Variants in KIF13B observed in about 807,000 individuals in gnomAD.
KIF13B encodes the protein kinesin-like protein KIF13B.
Under a neutral mutation model 222.0 loss-of-function variants are expected in KIF13B, and 127 were observed. The observed-to-expected ratio is 0.57, with a 90% confidence interval of 0.50 to 0.66. KIF13B has a LOEUF of 0.66. KIF13B is among the 30% of genes least tolerant of loss of function. The pLI is 0.00. For missense variants in KIF13B, 2,173 were observed against 2,379.0 expected, an observed-to-expected ratio of 0.91 and a Z score of 1.80; for synonymous variants, 976 against 919.0, an observed-to-expected ratio of 1.06 and a Z score of -1.12.
At position 29,127,351 on chromosome 8, in the gene KIF13B, G is replaced by A. The variant is rs1810159328; in HGVS notation, c.3076-83C>T. On this transcript the variant is annotated intron_variant, in intron 24 of 39. Coordinates refer to ENST00000524189, the MANE Select transcript of KIF13B (RefSeq NM_015254.4). ...TTTAGAGAGACCCCTACAGGCTGAT[G>A]TTGAGAAAAATGTTTAATTCAGACA... The A allele has an allele frequency of 4.1e-6, 5 of 1,206,274 alleles. No homozygotes were observed. In the South Asian group the frequency reaches 6.4e-5, roughly 16 times the overall value. 74.7% of individuals were successfully genotyped at this position (1,206,274 alleles called of 1,614,324 possible).
chr8:29,107,794 T>C (rs1809159531), intron 35 of KIF13B, among the ~76,000 whole-genome samples: 2 of 152,074 alleles, frequency 1.3e-5, no homozygotes. Context: ...TCTCCTGACC[T>C]CGTGATCCGC....
chr8:29,243,663 A>AAG (rs1815884650), intron 2 of KIF13B, among the ~76,000 whole-genome samples: 1 of 152,074 alleles, frequency 6.6e-6, no homozygotes, highest in African/African-American at 2.4e-5. Flanking sequence ...CTCAAAAAAA[A>AAG]AAAAGAAAGA....
intron 2 of KIF13B, among the ~76,000 whole-genome samples, chr8:29,198,827 C>T (rs1490326405): frequency 6.6e-6 from 1 of 152,064 alleles, no homozygotes; most frequent in Non-Finnish European, 1.5e-5. Context: ...AATGAAAAAC[C>T]AAATATTGCA....
chr8:29,219,844 C>T (rs1814662859), intron 2 of KIF13B, among the ~76,000 whole-genome samples: 1 of 152,166 alleles, frequency 6.6e-6, no homozygotes, highest in African/African-American at 2.4e-5. Flanking sequence ...AGGCAGATCG[C>T]TTGAACCCAG....
chr8:29,157,134 T>C (rs1811569805), intron 13 of KIF13B, among the ~76,000 whole-genome samples: 1 of 151,960 alleles, frequency 6.6e-6, no homozygotes, highest in Non-Finnish European at 1.5e-5. Context: ...CCCACCTCCA[T>C]GACTACATCC....
At chr8:29,175,995 A>G in intron 10 of KIF13B, 73 bp downstream of exon 10, 1 of 810,244 alleles carries the variant, frequency 1.2e-6, no homozygotes, top group Non-Finnish European at 2.1e-6. Flanking sequence ...GAAGGGATTA[A>G]CAGTCTACTC....
chr8:29,172,917 G>GC (rs1161418920), intron 10 of KIF13B, among the ~76,000 whole-genome samples: 14 of 148,320 alleles, frequency 9.4e-5, no homozygotes, highest in Admixed American at 2.0e-4. Context: ...GTTTTTTGGT[G>GC]CTTTTTTTTT....
chr8:29,150,972 T>C (rs1407475512), intron 14 of KIF13B, among the ~76,000 whole-genome samples: 1 of 151,706 alleles, frequency 6.6e-6, no homozygotes, highest in Non-Finnish European at 1.5e-5. Flanking sequence ...CAGTGAGGAA[T>C]CACATCGAAA....
chr8:29,181,973 A>G lies in KIF13B; in HGVS notation c.531T>C (p.Ser177=). 6.2e-7 allele frequency: 1 copy of G among 1,613,506 alleles called. No homozygotes were observed. ...SRQTLKVREH[S]VLGPYVDGLS... ...GTCCGTCGACATAAGGTCCCAACAC[A>G]CTATGCTCTCTGACTTTCAACGTCT... Residue 177 remains serine, a synonymous_variant, in exon 7 of 40, where the codon AGT becomes AGC. Transcript: ENST00000524189.
intron 37 of KIF13B, 29 bp downstream of exon 37, chr8:29,092,716 T>G: frequency 6.3e-7 from 1 of 1,592,834 alleles, no homozygotes; most frequent in Non-Finnish European, 8.5e-7. Flanking sequence ...TAGAAAAACG[T>G]TCACAGCTGT....
chr8:29,129,448 G>A lies in KIF13B; in HGVS notation c.3075+1085C>T, dbSNP rs537793107. Among the ~76,000 whole-genome samples the A allele has an allele frequency of 1.3e-5, 2 of 152,312 alleles. 1 individual carries two copies. Among genetic ancestry groups the A allele is most frequent in the South Asian group, 4.1e-4 (2 of 4,828 alleles). On this transcript the variant is annotated intron_variant, in intron 24 of 39. Coordinates refer to ENST00000524189, the MANE Select transcript of KIF13B (RefSeq NM_015254.4). ...TATTTGCTGGGGTCAGAGAACAAGT[G>A]TTTATCATCATCCTCCTCTTAAAAC... is the stretch of plus-strand genomic sequence containing the variant.
intron 16 of KIF13B, 85 bp downstream of exon 16, chr8:29,148,492 C>T (rs1811158571): frequency 1.0e-6 from 1 of 987,812 alleles, no homozygotes; most frequent in South Asian, 2.1e-5. Flanking sequence ...TCACTGCAGC[C>T]TGGAACTCCT....
rs1375608845 is a variant in KIF13B at position 29,139,918 on chromosome 8, ATACT to A, written c.2613+141_2613+144del. The A allele has an allele frequency of 1.1e-5, 8 of 730,026 alleles. 1 individual carries two copies. The highest frequency in any genetic ancestry group is 3.8e-5 in the South Asian group (2 of 52,776). The allele number at this position is 730,026 out of a possible 1,614,324, so 45.2% of individuals were successfully genotyped here. A position where few individuals can be genotyped will look rare whatever the true frequency, so the allele number is the denominator to read the frequency against. On this transcript the variant is annotated intron_variant, in intron 21 of 39. Coordinates refer to ENST00000524189, the MANE Select transcript of KIF13B (RefSeq NM_015254.4). The stretch of plus-strand genomic sequence containing the variant: ...CTTCCAAAATTTGAAAAGGAACATA[ATACT>A]TACCATCTAAAGACCTGCAGTTCTC...
chr8:29,209,295 G>A (rs528902736), intron 2 of KIF13B, among the ~76,000 whole-genome samples: 1 of 152,254 alleles, frequency 6.6e-6, no homozygotes, highest in South Asian at 2.1e-4. Context: ...CATGGAGGGC[G>A]AGAAGGCTCC....
At chr8:29,139,698 C>T (rs761954981) in intron 21 of KIF13B, among the ~76,000 whole-genome samples, 9 of 152,152 alleles carry the variant, frequency 5.9e-5, no homozygotes, top group South Asian at 2.1e-4. Context: ...AGGCCTTCTT[C>T]GCTTCACCTC....
At chr8:29,163,289 G>A (rs1402712480) in intron 12 of KIF13B, among the ~76,000 whole-genome samples, 1 of 152,148 alleles carries the variant, frequency 6.6e-6, no homozygotes, top group African/African-American at 2.4e-5. Flanking sequence ...AAACAATGGT[G>A]AAGTATTGGA....
intron 2 of KIF13B, chr8:29,218,991 A>G (rs1814617839): frequency 6.6e-6 from 1 of 152,248 alleles, no homozygotes; most frequent in Admixed American, 6.5e-5. Flanking sequence ...TCAGCTCCTC[A>G]GAGCTTCCTA....
intron 37 of KIF13B, among the ~76,000 whole-genome samples, chr8:29,084,424 C>A (rs1270888608): frequency 6.6e-6 from 1 of 152,154 alleles, no homozygotes; most frequent in African/African-American, 2.4e-5. Context: ...GACACCTTTT[C>A]AATTAGCATC....
intron 6 of KIF13B, among the ~76,000 whole-genome samples, chr8:29,183,763 G>A (rs1451078597): frequency 6.6e-6 from 1 of 152,184 alleles, no homozygotes; most frequent in Non-Finnish European, 1.5e-5. Context: ...AGATTAAGAT[G>A]ACAGTGAGGA....
Sources: gnomAD v4.1 joint callset for allele counts (sites outside exome capture counted in the v4.1 genomes callset) on GRCh38, gnomAD v4.1.1 for gene constraint, MANE v1.5 for transcripts, NCBI Gene and HGNC (gene_info 2026-07-23, HGNC 2026-07-21) for gene names.